Variants in STT3B observed in about 807,000 individuals in gnomAD.
The protein encoded by STT3B is dolichyl-diphosphooligosaccharide--protein glycosyltransferase subunit STT3B.
STT3B carries 29 observed loss-of-function variants against 96.8 expected under a neutral mutation model. The observed-to-expected ratio is 0.30, with a 90% CI of 0.22 to 0.41. STT3B has a LOEUF of 0.41. Ranked by LOEUF, STT3B falls within the 10% of genes least tolerant of loss-of-function variation. The pLI, the probability that STT3B is intolerant of heterozygous loss-of-function variation, is 1.00. For missense variants in STT3B, 640 were observed against 1,022.3 expected (o/e 0.63, Z 5.10); for synonymous variants, 367 against 360.0 (o/e 1.02, Z -0.22).
rs138917789 is a variant in STT3B at position 31,569,425 on chromosome 3, C to G, written c.315-6971C>G. On this transcript the variant is annotated intron_variant, in intron 1 of 15. Coordinates refer to ENST00000295770, the MANE Select transcript of STT3B (RefSeq NM_178862.3). ...ACCTTAGGAGACGGTCTCTTTTTCC[C>G]TAAATGCCCCTTGCAGAAAAAGTTC... 8.5e-4 allele frequency among the ~76,000 whole-genome samples: 129 copies of G among 152,180 alleles called. 1 individual carries two copies. The highest frequency in any genetic ancestry group is 3.0e-3 in the African/African-American group (123 of 41,520).
At chr3:31,627,169 CCAGGCCACATAG>C (rs1261284844) in intron 13 of STT3B, among the ~76,000 whole-genome samples, 1 of 152,180 alleles carries the variant, frequency 6.6e-6, no homozygotes, top group East Asian at 1.9e-4. Context: ...CTGTTAGGAA[CCAGGCCACATAG>C]CAGGAGGTAA....
At chr3:31,581,623 C>A (rs1020223581) in intron 3 of STT3B, among the ~76,000 whole-genome samples, 5 of 152,090 alleles carry the variant, frequency 3.3e-5, no homozygotes, top group African/African-American at 1.2e-4. Context: ...ATTTATGCAT[C>A]TGTGTTCATA....
rs144325181 is a variant in STT3B at position 31,551,357 on chromosome 3, A to G, written c.314+18045A>G. ...TAGCCTCTCAAGTAGCTGGCACTACATGCGCATGCCACCACGCCTGGCTAA... is the reference window on the plus strand; with the variant it reads ...TAGCCTCTCAAGTAGCTGGCACTACGTGCGCATGCCACCACGCCTGGCTAA... On this transcript the variant is annotated intron_variant, in intron 1 of 15. Transcript: ENST00000295770. 7.1e-3 allele frequency among the ~76,000 whole-genome samples: 1,079 copies of G among 152,172 alleles called. 12 individuals are homozygous for G. The highest frequency in any genetic ancestry group is 0.024 in the African/African-American group (997 of 41,536).
intron 9 of STT3B, among the ~76,000 whole-genome samples, chr3:31,621,340 T>C (rs1699423370): frequency 1.3e-5 from 2 of 152,196 alleles, no homozygotes; most frequent in Admixed American, 6.5e-5. Flanking sequence ...TGAGGACATA[T>C]AAAAATGTTC....
chr3:31,554,087 G>A (rs1018408602), intron 1 of STT3B, among the ~76,000 whole-genome samples: 1 of 152,176 alleles, frequency 6.6e-6, no homozygotes, highest in Non-Finnish European at 1.5e-5. Context: ...CTGTTTAAGT[G>A]TTGGTAGAGT....
intron 3 of STT3B, among the ~76,000 whole-genome samples, chr3:31,582,898 G>GT: frequency 6.6e-6 from 1 of 152,190 alleles, no homozygotes; most frequent in South Asian, 2.1e-4. Flanking sequence ...AAGATACTTT[G>GT]TATGGTATCT....
chr3:31,575,250 A>G (rs1037203833), intron 1 of STT3B, among the ~76,000 whole-genome samples: 1 of 152,144 alleles, frequency 6.6e-6, no homozygotes, highest in Non-Finnish European at 1.5e-5. Flanking sequence ...CCTATGCAGT[A>G]TGATGCTAGA....
Position 31,533,256 on chromosome 3 carries a change from C to T in STT3B, c.258C>T (p.Ser86=), listed in dbSNP as rs1696989858. ...TCCTGGCCTGGCTTGCCGGCTTCAG[C>T]TCGCGCCTCTTCGCCGTCATCCGCT... ...ILFLAWLAGF[S]SRLFAVIRFE... is the part of the protein sequence containing the mutation. Residue 86 remains serine, a synonymous_variant, in exon 1 of 16, where the codon AGC becomes AGT. Coordinates refer to ENST00000295770, the MANE Select transcript of STT3B (RefSeq NM_178862.3). 2 of 1,519,028 alleles carry T rather than the reference C, an allele frequency of 1.3e-6. No homozygotes were observed. Among genetic ancestry groups the T allele is most frequent in the Non-Finnish European group, 1.8e-6 (2 of 1,133,758 alleles). 94.1% of individuals were successfully genotyped at this position (1,519,028 alleles called of 1,614,324 possible).
chr3:31,624,983 A>C lies in STT3B; in HGVS notation c.1797A>C (p.Ala599=), dbSNP rs1461034406. Residue 599 remains alanine (A), a synonymous_variant, in exon 12 of 16, where the codon GCA becomes GCC. Coordinates refer to ENST00000295770, the MANE Select transcript of STT3B (RefSeq NM_178862.3). ...TAAGGCAAAATACAGATGAACATGC[A>C]CGAGTAATGTCTTGGTGGGATTATG... ...FWLRQNTDEH[A]RVMSWWDYGY... The C allele has an allele frequency of 6.2e-7, 1 of 1,613,738 alleles. No homozygotes were observed. Among genetic ancestry groups the C allele is most frequent in the Non-Finnish European group, 8.5e-7 (1 of 1,179,790 alleles).
Position 31,542,755 on chromosome 3 carries a change from G to A in STT3B, c.314+9443G>A, listed in dbSNP as rs1445824344. ...ATTCCTCAAATGGAGATTCTTTTCT[G>A]AGATATATTGACTGTTAAGAAAAAT... On this transcript the variant is annotated intron_variant, in intron 1 of 15. Coordinates refer to ENST00000295770, the MANE Select transcript of STT3B (RefSeq NM_178862.3). Among the ~76,000 whole-genome samples the A allele has an allele frequency of 2.6e-5, 4 of 152,096 alleles. No individual in the cohort carries two copies. The East Asian group carries it at 7.7e-4, about 29-fold the overall frequency.
chr3:31,596,814 C>T lies in STT3B; in HGVS notation c.728C>T (p.Thr243Ile), dbSNP rs745745863. The T allele has an allele frequency of 2.4e-5, 39 of 1,611,534 alleles. No homozygotes were observed. The highest frequency in any genetic ancestry group is 3.1e-5 in the Non-Finnish European group (37 of 1,178,538). Residue 243 changes from threonine to isoleucine, a missense_variant, in exon 4 of 16, where the codon ACT (threonine) becomes ATT (isoleucine). Around this residue, in one of 8 missense-constraint regions of STT3B, gnomAD observed 267 missense variants for 388.3 expected, o/e 0.69. Coordinates refer to ENST00000295770, the MANE Select transcript of STT3B (RefSeq NM_178862.3). The part of the protein sequence containing the change: ...TYYLWVKSVK[T>I]GSVFWTMCCC... The stretch of plus-strand genomic sequence containing the variant: ...GTTTTTTAGGTAAAATCTGTAAAAA[C>T]TGGGTCAGTTTTTTGGACAATGTGC...
At chr3:31,609,748 C>G (rs1208246522) in intron 5 of STT3B, among the ~76,000 whole-genome samples, 1 of 152,072 alleles carries the variant, frequency 6.6e-6, no homozygotes, top group Non-Finnish European at 1.5e-5. Flanking sequence ...GCATGTGCCA[C>G]CACACCTGGC....
intron 5 of STT3B, among the ~76,000 whole-genome samples, chr3:31,603,560 T>C (rs1020017243): frequency 2.6e-5 from 4 of 152,066 alleles, no homozygotes; most frequent in Non-Finnish European, 5.9e-5. Context: ...CCAAACCTTA[T>C]GTTGCATTTG....
At chr3:31,569,665 G>A (rs1698093457) in intron 1 of STT3B, among the ~76,000 whole-genome samples, 1 of 152,130 alleles carries the variant, frequency 6.6e-6, no homozygotes, top group Non-Finnish European at 1.5e-5. Context: ...AGTATTAAAA[G>A]AAGGAGGATA....
chr3:31,632,953 C>T lies in STT3B; in HGVS notation c.2206C>T (p.Pro736Ser), dbSNP rs1450370409. 6.2e-7 allele frequency: 1 copy of T among 1,613,878 alleles called. No individual in the cohort carries two copies. The highest frequency in any genetic ancestry group is 1.7e-5 in the Admixed American group (1 of 59,972). The change falls in exon 15 of 16, where the codon CCA becomes TCA. Residue 736 changes from proline to serine, a missense_variant. By Grantham distance (74) the Pro-to-Ser change is moderately conservative. This residue lies in a region of STT3B where 40 missense variants were observed against 122.2 expected (regional missense o/e 0.33). Coordinates refer to ENST00000295770, the MANE Select transcript of STT3B (RefSeq NM_178862.3). Reference sequence around the variant, plus strand: ...TTTGCAGCTGGATTTTCGTACACCCCCAGGTTTTGACCGAACACGTAATGC... The same window carrying T: ...TTTGCAGCTGGATTTTCGTACACCCTCAGGTTTTGACCGAACACGTAATGC... ...GEMQLDFRTPPGFDRTRNAEI... is the reference protein window; with the variant it reads ...GEMQLDFRTPSGFDRTRNAEI...
At chr3:31,572,038 G>GATATATTAATATATATTAATATATC (rs1272943458) in intron 1 of STT3B, among the ~76,000 whole-genome samples, 2 of 39,832 alleles carry the variant, frequency 5.0e-5, no homozygotes, top group African/African-American at 9.6e-5. Context: ...ATTAATATAT[G>GATATATTAATATATATTAATATATC]ATATATTAAT....
At position 31,535,313 on chromosome 3, in the gene STT3B, AT is replaced by A. The variant is rs1179961707; in HGVS notation, c.314+2007del. Among the ~76,000 whole-genome samples the A allele has an allele frequency of 2.7e-5, 4 of 150,890 alleles. No homozygotes were observed. In the South Asian group the frequency reaches 6.3e-4, roughly 24 times the overall value. ...AACAAGTAAAGTGGCTAATATTTTT[AT>A]TTTTTATTTTTTATTTTTATTATTT... On this transcript the variant is annotated intron_variant, in intron 1 of 15. Transcript: ENST00000295770.
intron 13 of STT3B, among the ~76,000 whole-genome samples, chr3:31,628,147 C>A (rs889385588): frequency 7.2e-6 from 1 of 138,176 alleles, no homozygotes; most frequent in Admixed American, 8.2e-5. Flanking sequence ...ATCGATGTAG[C>A]CATTTCACAG....
chr3:31,584,314 T>G (rs1205452456), intron 3 of STT3B, among the ~76,000 whole-genome samples: 1 of 152,226 alleles, frequency 6.6e-6, no homozygotes, highest in Non-Finnish European at 1.5e-5. Flanking sequence ...ACCGCACAGT[T>G]TTGGTTACTG....
Sources: gnomAD v4.1 joint callset for allele counts (sites outside exome capture counted in the v4.1 genomes callset) on GRCh38, gnomAD v4.1.1 for gene constraint, gnomAD v4.1.1 regional missense constraint, MANE v1.5 for transcripts, NCBI Gene and HGNC (gene_info 2026-07-23, HGNC 2026-07-21) for gene names.